VWA3B: variants seen among roughly 807,000 people sequenced by gnomAD.
VWA3B encodes von Willebrand factor A domain containing 3B.
In VWA3B, 138 loss-of-function variants were observed where a neutral mutation model predicts 158.3. That is an observed-to-expected ratio of 0.87 (90% confidence interval 0.76 to 1.00). VWA3B has a LOEUF of 1.00. VWA3B is among the 50% of genes least tolerant of loss of function. VWA3B has a pLI of 0.00. For synonymous variants in VWA3B, 596 were observed against 587.3 expected, an observed-to-expected ratio of 1.01 and a Z score of -0.21; for missense variants, 1,555 against 1,565.1, an observed-to-expected ratio of 0.99 and a Z score of 0.11.
chr2:98,149,790 CATTATCA>C (rs1419162614), intron 7 of VWA3B, among the ~76,000 whole-genome samples: 2 of 152,156 alleles, frequency 1.3e-5, no homozygotes, highest in African/African-American at 4.8e-5. Flanking sequence ...TCCCCCGCCT[CATTATCA>C]ATTATCAACT....
Position 98,276,952 on chromosome 2 carries a change from G to A in VWA3B, c.3045+6069G>A, listed in dbSNP as rs560359975. Among the ~76,000 whole-genome samples the A allele has an allele frequency of 1.1e-4, 17 of 152,270 alleles. No individual in the cohort carries two copies. The South Asian group carries it at 1.5e-3, about 13-fold the overall frequency. On this transcript the variant is annotated intron_variant, in intron 22 of 27. Transcript: ENST00000477737. ...GATTTTTCTGTCAGTAAGAACCAGCGGTGGGAAGGAGACACGGCAGCAAAT... is the reference window on the plus strand; with the variant it reads ...GATTTTTCTGTCAGTAAGAACCAGCAGTGGGAAGGAGACACGGCAGCAAAT...
intron 12 of VWA3B, among the ~76,000 whole-genome samples, chr2:98,199,935 T>G (rs1358587262): frequency 6.6e-6 from 1 of 152,198 alleles, no homozygotes; most frequent in African/African-American, 2.4e-5. Context: ...CCAAACTGTT[T>G]CCCAATGTGG....
In VWA3B at chr2:98,177,668, G is replaced by A. The variant is rs571981981; in HGVS notation, c.1115-3348G>A. Among the ~76,000 whole-genome samples the A allele has an allele frequency of 9.1e-4, 139 of 151,972 alleles. 1 individual carries two copies. The South Asian group carries it at 0.023, about 26-fold the overall frequency. On this transcript the variant is annotated intron_variant, in intron 8 of 27. Coordinates refer to ENST00000477737, the MANE Select transcript of VWA3B (RefSeq NM_144992.5). ...CTATGAAAGTTCAGGTGGCTCTGGCGGCTTGCCTGAACCCCCTTTTCAGAT... is the reference window on the plus strand; with the variant it reads ...CTATGAAAGTTCAGGTGGCTCTGGCAGCTTGCCTGAACCCCCTTTTCAGAT...
chr2:98,222,605 C>T (rs1684601421), intron 14 of VWA3B, among the ~76,000 whole-genome samples: 1 of 152,184 alleles, frequency 6.6e-6, no homozygotes. Context: ...GCTCTCCTAC[C>T]CTACCCAGTG....
intron 20 of VWA3B, among the ~76,000 whole-genome samples, chr2:98,252,901 C>A (rs1270122493): frequency 6.6e-6 from 1 of 152,036 alleles, no homozygotes; most frequent in Non-Finnish European, 1.5e-5. Flanking sequence ...GAAATATTGT[C>A]ACTATATTGT....
intron 20 of VWA3B, among the ~76,000 whole-genome samples, chr2:98,255,887 T>C (rs1376852793): frequency 1.3e-5 from 2 of 152,170 alleles, no homozygotes; most frequent in African/African-American, 4.8e-5. Context: ...GTCTGAGTTT[T>C]ACCTGGCTGA....
At chr2:98,304,338 C>G (rs910486966) in intron 26 of VWA3B, among the ~76,000 whole-genome samples, 8 of 152,108 alleles carry the variant, frequency 5.3e-5, no homozygotes, top group African/African-American at 1.9e-4. Flanking sequence ...AACACGAACC[C>G]AAGTCCATGG....
rs1375262437 is a variant in VWA3B at position 98,300,137 on chromosome 2, C to T, written c.3341C>T (p.Pro1114Leu). The change falls in exon 25 of 28, where the codon CCT becomes CTT. Residue 1114 changes from proline (P) to leucine (L), a missense_variant. By Grantham distance (98) the Pro-to-Leu change is moderately conservative. Transcript: ENST00000477737. ...VIPKGFDFYVPAIVIALPNKH... is the reference protein window; with the variant it reads ...VIPKGFDFYVLAIVIALPNKH... Reference sequence around the variant, plus strand: ...CCCAAAGGATTTGACTTCTATGTCCCTGCCATTGTCATAGCACTTCCCAAT... The same window carrying T: ...CCCAAAGGATTTGACTTCTATGTCCTTGCCATTGTCATAGCACTTCCCAAT... 14 of 1,614,108 alleles carry T rather than the reference C, an allele frequency of 8.7e-6. No individual in the cohort carries two copies. The highest frequency in any genetic ancestry group is 1.3e-5 in the African/African-American group (1 of 74,940).
chr2:98,126,481 C>T (rs1031647191), intron 5 of VWA3B, among the ~76,000 whole-genome samples: 6 of 152,260 alleles, frequency 3.9e-5, no homozygotes, highest in East Asian at 1.9e-4. Context: ...TGGGCACTGC[C>T]GCAGCTGGAA....
At chr2:98,275,564 C>T (rs1321029284) in intron 22 of VWA3B, among the ~76,000 whole-genome samples, 1 of 152,194 alleles carries the variant, frequency 6.6e-6, no homozygotes, top group Admixed American at 6.5e-5. Context: ...TCCAGTCCAC[C>T]TGACTTCAAA....
downstream of VWA3B, among the ~76,000 whole-genome samples, chr2:98,314,781 G>T (rs575086668): frequency 2.8e-4 from 43 of 152,272 alleles, 1 homozygote; most frequent in South Asian, 4.4e-3. Flanking sequence ...CCAGCACTTT[G>T]GGAGGCCGAG....
chr2:98,324,673 G>T, the VWA3B span, among the ~76,000 whole-genome samples: 3 of 152,064 alleles, frequency 2.0e-5, no homozygotes, highest in African/African-American at 7.2e-5. Context: ...ATAAAGTATG[G>T]GTTAAAATTC....
intron 2 of VWA3B, among the ~76,000 whole-genome samples, chr2:98,111,841 C>T (rs1674158106): frequency 1.3e-5 from 2 of 152,144 alleles, no homozygotes; most frequent in South Asian, 2.1e-4. Flanking sequence ...TAAATATTTG[C>T]AAATATTTTC....
Position 98,128,382 on chromosome 2 carries a change from G to C in VWA3B, c.846G>C (p.Lys282Asn). The C allele has an allele frequency of 6.2e-7, 1 of 1,613,772 alleles. No individual in the cohort carries two copies. Among genetic ancestry groups the C allele is most frequent in the Non-Finnish European group, 8.5e-7 (1 of 1,179,888 alleles). Residue 282 changes from lysine (K) to asparagine (N), a missense_variant, in exon 6 of 28, where the codon AAG becomes AAC. Lys to Asn is a moderately conservative substitution (Grantham distance 94). Transcript: ENST00000477737. ...GAGAAGGCACTATAGCTTTTCTAAA[G>C]GATCTGAGTGCCAAGACCCACAGCA... Reference protein sequence around the residue: ...ARGEGTIAFLKDLSAKTHSRF... With the variant: ...ARGEGTIAFLNDLSAKTHSRF...
Position 98,180,994 on chromosome 2 carries a change from C to T in VWA3B, c.1115-22C>T, listed in dbSNP as rs770263286. 2.5e-6 allele frequency: 4 copies of T among 1,611,428 alleles called. No individual in the cohort carries two copies. The African/African-American group carries it at 5.3e-5, about 22-fold the overall frequency. ...TGAATGGCTCATGCAGTATGAATGG[C>T]TGACAAGCTGTGATTCTACAGAGTC... On this transcript the variant is annotated intron_variant, in intron 8 of 27. Transcript: ENST00000477737.
At chr2:98,196,755 G>T (rs555981272) in intron 12 of VWA3B, among the ~76,000 whole-genome samples, 1 of 152,340 alleles carries the variant, frequency 6.6e-6, no homozygotes, top group African/African-American at 2.4e-5. Flanking sequence ...TGGGCTCAGA[G>T]GGAAGAGTTG....
intron 19 of VWA3B, chr2:98,242,286 C>G (rs756661791): frequency 1.5e-5 from 7 of 456,048 alleles, no homozygotes; most frequent in East Asian, 1.4e-4. Flanking sequence ...AAATCGGTCA[C>G]CTTGGAAATG....
chr2:98,124,039 G>A (rs1675172660), intron 5 of VWA3B, among the ~76,000 whole-genome samples: 1 of 152,176 alleles, frequency 6.6e-6, no homozygotes, highest in Non-Finnish European at 1.5e-5. Context: ...CCAAGTGAGT[G>A]GATTAAAGAC....
intron 19 of VWA3B, among the ~76,000 whole-genome samples, chr2:98,247,972 G>A (rs574459361): frequency 4.0e-5 from 6 of 151,872 alleles, no homozygotes; most frequent in African/African-American, 1.2e-4. Flanking sequence ...TATATTCTGA[G>A]GAAAGTCTGC....
Sources: allele counts gnomAD v4.1 joint callset (sites outside exome capture counted in the v4.1 genomes callset), GRCh38; gene constraint gnomAD v4.1.1; transcripts MANE v1.5; gene names NCBI Gene and HGNC (gene_info 2026-07-23, HGNC 2026-07-21).